The following LINC00237 variants were observed in gnomAD, a reference collection of about 807,000 sequenced individuals.
LINC00237 encodes the protein long independently transcribed non-coding RNA 237.
At chr20:21,087,697 T>G (rs1389931651) in intron 3 of LINC00237, 1 of 152,262 alleles carries the variant, frequency 6.6e-6, no homozygotes, top group African/African-American at 2.4e-5. Flanking sequence ...GAACATATTT[T>G]CATGCCTTAA....
chr20:21,086,872 A>T (rs1212198130), intron 3 of LINC00237, among the ~76,000 whole-genome samples: 1 of 133,204 alleles, frequency 7.5e-6, no homozygotes, highest in Non-Finnish European at 1.6e-5. Context: ...TATATAGTAT[A>T]CACTATATAG....
At position 21,092,457 on chromosome 20, in the gene LINC00237, G is replaced by A. The variant is rs571726154; in HGVS notation, n.472+1012C>T. Among the ~76,000 whole-genome samples, 28 of 152,306 alleles carry A rather than the reference G, an allele frequency of 1.8e-4. No homozygotes were observed. In the South Asian group the frequency reaches 4.1e-3, roughly 23 times the overall value. On this transcript the variant is annotated intron_variant and non_coding_transcript_variant, in intron 2 of 3. Transcript: ENST00000691244. ...GATGCAGCAGTGGGAATGCCCAGGC[G>A]GTAGGCACTTTGAGGTTGAATGCCC...
In LINC00237 at chr20:21,101,554, C is replaced by G. The variant is rs2030931754; in HGVS notation, n.88+4717G>C. 6.6e-6 allele frequency: 1 copy of G among 152,416 alleles called. No individual in the cohort carries two copies. Among genetic ancestry groups the G allele is most frequent in the Non-Finnish European group, 1.5e-5 (1 of 68,194 alleles). The allele number at this position is 152,416 out of a possible 1,614,324, so 9.4% of individuals were successfully genotyped here. A position where few individuals can be genotyped will look rare whatever the true frequency, so the allele number is the denominator to read the frequency against. ...CCAGTGTCCCCAGGGACGCAGTCCG[C>G]GGCCGCCAGCTCCAGGGGCTCGGGC... On this transcript the variant is annotated intron_variant and non_coding_transcript_variant, in intron 1 of 3. Coordinates refer to ENST00000691244, the Ensembl canonical transcript of LINC00237. This position sits in a 1 kb window ranked among gnomAD's most constrained non-coding sequence, Gnocchi z 4.3.
At chr20:21,086,472 C>T (rs541075989) in intron 3 of LINC00237, among the ~76,000 whole-genome samples, 12 of 148,348 alleles carry the variant, frequency 8.1e-5, no homozygotes, top group South Asian at 2.1e-4. Flanking sequence ...TATCTATATA[C>T]GTATAGATAT....
At chr20:21,087,170 C>A (rs2030723944) in intron 3 of LINC00237, among the ~76,000 whole-genome samples, 1 of 151,310 alleles carries the variant, frequency 6.6e-6, no homozygotes, top group Non-Finnish European at 1.5e-5. Flanking sequence ...TATTTGGGGG[C>A]AGTATGGATT....
intron 3 of LINC00237, among the ~76,000 whole-genome samples, chr20:21,086,432 G>A (rs2030693766): frequency 6.6e-6 from 1 of 150,608 alleles, no homozygotes; most frequent in Admixed American, 6.6e-5. Context: ...TACCTTTCCA[G>A]ACTATTAGCT....
chr20:21,104,597 C>G (rs1055304716), intron 1 of LINC00237, among the ~76,000 whole-genome samples: 2 of 152,222 alleles, frequency 1.3e-5, no homozygotes, highest in Admixed American at 1.3e-4. Flanking sequence ...GGGGCAGCTT[C>G]GGAGCACTTC....
In LINC00237 at chr20:21,101,605, G is replaced by C. The variant is rs1600314733; in HGVS notation, n.88+4666C>G. 6.6e-6 allele frequency: 1 copy of C among 152,366 alleles called. No individual in the cohort carries two copies. The highest frequency in any genetic ancestry group is 1.5e-5 in the Non-Finnish European group (1 of 68,154). 9.4% of individuals were successfully genotyped at this position (152,366 alleles called of 1,614,324 possible). ...CCCAGGTTGGAGTAGCCACGCTAGCGGCTAGGCCGTTCCACCGGGTAGCTC... is the reference window on the plus strand; with the variant it reads ...CCCAGGTTGGAGTAGCCACGCTAGCCGCTAGGCCGTTCCACCGGGTAGCTC... On this transcript the variant is annotated intron_variant and non_coding_transcript_variant, in intron 1 of 3. Transcript: ENST00000691244. This position sits in a 1 kb window ranked among gnomAD's most constrained non-coding sequence, Gnocchi z 4.3.
chr20:21,090,184 T>A (rs951477822), intron 2 of LINC00237: 4 of 152,236 alleles, frequency 2.6e-5, no homozygotes, highest in African/African-American at 9.6e-5. Flanking sequence ...ACAGTTATCT[T>A]CTTGGGCGTG....
rs142363335 is a variant in LINC00237 at position 21,099,699 on chromosome 20, A to G, written n.89-5847T>C. 1.6e-3 allele frequency among the ~76,000 whole-genome samples: 249 copies of G among 152,270 alleles called. 1 individual carries two copies. The highest frequency in any genetic ancestry group is 5.9e-3 in the African/African-American group (244 of 41,530). On this transcript the variant is annotated intron_variant and non_coding_transcript_variant, in intron 1 of 3. Coordinates refer to ENST00000691244, the Ensembl canonical transcript of LINC00237. Reference sequence around the variant, plus strand: ...TAAGGGTTAGAGTTATTACTTAATGATAATTACTTATTTTACACGTTGTCG... The same window carrying G: ...TAAGGGTTAGAGTTATTACTTAATGGTAATTACTTATTTTACACGTTGTCG...
At chr20:21,096,976 C>A (rs757197062) in intron 1 of LINC00237, among the ~76,000 whole-genome samples, 14 of 152,188 alleles carry the variant, frequency 9.2e-5, no homozygotes, top group Non-Finnish European at 1.8e-4. Context: ...ACAAACCACA[C>A]AAATCAACAA....
At position 21,086,557 on chromosome 20, in the gene LINC00237, T is replaced by C. The variant is rs1004944237; in HGVS notation, n.560-669A>G. Among the ~76,000 whole-genome samples the C allele has an allele frequency of 7.5e-4, 82 of 109,610 alleles. 1 individual carries two copies. The highest frequency in any genetic ancestry group is 2.4e-3 in the African/African-American group (72 of 29,876). 71.9% of individuals were successfully genotyped at this position (109,610 alleles called of 152,430 possible). ...TATATGGATACCTATATATGTACTA[T>C]ATATATAGTACATATATAGTGTATA... On this transcript the variant is annotated intron_variant and non_coding_transcript_variant, in intron 3 of 3. Transcript: ENST00000691244.
chr20:21,097,205 T>C (rs963324984), intron 1 of LINC00237, among the ~76,000 whole-genome samples: 1 of 152,204 alleles, frequency 6.6e-6, no homozygotes, highest in African/African-American at 2.4e-5. Context: ...ATGGAAATGC[T>C]AGAAGGTTAA....
At position 21,104,632 on chromosome 20, in the gene LINC00237, C is replaced by T. The variant is rs115321695; in HGVS notation, n.88+1639G>A. On this transcript the variant is annotated intron_variant and non_coding_transcript_variant, in intron 1 of 3. Coordinates refer to ENST00000691244, the Ensembl canonical transcript of LINC00237. ...CTCCTCTGCCCCCCACCCTCCAACC[C>T]CTGACTTACTGTTTTTTTTCCTAAG... is the stretch of plus-strand genomic sequence containing the variant. Among the ~76,000 whole-genome samples the T allele has an allele frequency of 6.3e-3, 956 of 152,276 alleles. 12 individuals are homozygous for T. Among genetic ancestry groups the T allele is most frequent in the African/African-American group, 0.022 (894 of 41,544 alleles).
chr20:21,100,209 G>A (rs1169984363), intron 1 of LINC00237, among the ~76,000 whole-genome samples: 2 of 152,188 alleles, frequency 1.3e-5, no homozygotes, highest in Non-Finnish European at 2.9e-5. Context: ...TGCCCGTAGA[G>A]GATAAAACCC....
chr20:21,091,097 A>G (rs1364796122), intron 2 of LINC00237, among the ~76,000 whole-genome samples: 1 of 151,802 alleles, frequency 6.6e-6, no homozygotes, highest in African/African-American at 2.4e-5. Flanking sequence ...CCTCTGCTAC[A>G]GGAAATCTGA....
intron 1 of LINC00237, among the ~76,000 whole-genome samples, chr20:21,102,051 A>G (rs930198799): frequency 1.3e-5 from 2 of 152,360 alleles, no homozygotes; most frequent in Admixed American, 1.3e-4. Flanking sequence ...GCATCGCGGT[A>G]TCTTCCCCAG....
intron 2 of LINC00237, chr20:21,090,137 T>C (rs969445592): frequency 2.0e-5 from 3 of 152,236 alleles, no homozygotes; most frequent in African/African-American, 7.2e-5. Context: ...GAACGATATT[T>C]ATAGACTCCG....
rs1325150995 is a variant in LINC00237 at position 21,101,624 on chromosome 20, G to C, written n.88+4647C>G. ...GCTAGCGGCTAGGCCGTTCCACCGGGTAGCTCCGCCCTTCCTTTTGCTCAG... is the reference window on the plus strand; with the variant it reads ...GCTAGCGGCTAGGCCGTTCCACCGGCTAGCTCCGCCCTTCCTTTTGCTCAG... On this transcript the variant is annotated intron_variant and non_coding_transcript_variant, in intron 1 of 3. Transcript: ENST00000691244. The surrounding 1 kb of genome is among the most constrained non-coding windows in gnomAD (Gnocchi z 4.3). 6.6e-6 allele frequency: 1 copy of C among 152,336 alleles called. No individual in the cohort carries two copies. The highest frequency in any genetic ancestry group is 1.5e-5 in the Non-Finnish European group (1 of 68,130). The allele number at this position is 152,336 out of a possible 1,614,324, so 9.4% of individuals were successfully genotyped here.
Sources: allele counts gnomAD v4.1 joint callset (sites outside exome capture counted in the v4.1 genomes callset), GRCh38; gene constraint gnomAD v4.1.1; non-coding constraint Gnocchi (gnomAD v3.1); transcripts MANE v1.5; gene names NCBI Gene and HGNC (gene_info 2026-07-23, HGNC 2026-07-21).